DCAF5: variants seen among roughly 807,000 people sequenced by gnomAD.
DCAF5 encodes the protein DDB1 and CUL4 associated factor 5.
In DCAF5, 9 loss-of-function variants were observed where a neutral mutation model predicts 80.7. That is an observed-to-expected ratio of 0.11 (90% CI 0.07 to 0.19). The LOEUF is 0.19. Among genes scored for constraint, DCAF5 ranks in the 10% least tolerant of loss-of-function variants. The pLI is 1.00. For synonymous variants in DCAF5, 433 were observed against 461.9 expected, an observed-to-expected ratio of 0.94 and a Z score of 0.80; for missense variants, 842 against 1,205.7, an observed-to-expected ratio of 0.70 and a Z score of 4.47.
rs139816348 is a variant in DCAF5, at chr14:69,142,437, C to T, written c.214+10328G>A. Among the ~76,000 whole-genome samples, 426 of 152,266 alleles carry T rather than the reference C, an allele frequency of 2.8e-3. 2 individuals carry two copies. The highest frequency in any genetic ancestry group is 9.9e-3 in the African/African-American group (411 of 41,556). ...CCAATGGAGCAACCTTTCTTTTTAC[C>T]CATTCAGTGAATGGCCATGAAAGTG... On this transcript the variant is annotated intron_variant, in intron 1 of 8. Transcript: ENST00000341516.
At chr14:69,062,621 T>C in intron 7 of DCAF5, 110 bp from the exon 8 acceptor site, 2 of 1,219,056 alleles carry the variant, frequency 1.6e-6, no homozygotes, top group African/African-American at 1.5e-5. Flanking sequence ...TTTTGGATTA[T>C]ACCACCAGCA....
rs529154167 is a variant in DCAF5, at chr14:69,099,985, G to A, written c.666-8098C>T. On this transcript the variant is annotated intron_variant, in intron 5 of 8. Transcript: ENST00000341516. ...GAAGTTCAAAAGGAAAATTATTTAA[G>A]CTTTAAAAGGAAGCCAATTACAAGT... Among the ~76,000 whole-genome samples, 215 of 152,112 alleles carry A rather than the reference G, an allele frequency of 1.4e-3. 5 individuals carry two copies. In the South Asian group the frequency reaches 0.028, roughly 20 times the overall value.
intron 1 of DCAF5, among the ~76,000 whole-genome samples, chr14:69,132,717 CAGCAT>C (rs943395867): frequency 2.0e-5 from 3 of 150,448 alleles, no homozygotes; most frequent in Admixed American, 1.3e-4. Context: ...TAATGTGGGG[CAGCAT>C]AGCACAGCAC....
intron 1 of DCAF5, among the ~76,000 whole-genome samples, chr14:69,144,409 A>G (rs2041471888): frequency 6.6e-6 from 1 of 151,990 alleles, no homozygotes. Context: ...CGTCTCTACT[A>G]AAAATACAAA....
In DCAF5 at chr14:69,119,239, G is replaced by GA; in HGVS notation, c.359-10dup. The GA allele has an allele frequency of 1.9e-6, 3 of 1,612,788 alleles. No individual in the cohort carries two copies. Among genetic ancestry groups the GA allele is most frequent in the Non-Finnish European group, 2.5e-6 (3 of 1,179,582 alleles). ...AACTTGCTCATCATTGCCTGCAAAA[G>GA]AAAAAAGCAGACATCTGATCATTCG... On this transcript the variant is annotated splice_polypyrimidine_tract_variant and intron_variant, in intron 2 of 8. Coordinates refer to ENST00000341516, the MANE Select transcript of DCAF5 (RefSeq NM_003861.3).
intron 1 of DCAF5, among the ~76,000 whole-genome samples, chr14:69,150,695 G>A (rs1471145026): frequency 3.3e-5 from 5 of 151,124 alleles, no homozygotes; most frequent in African/African-American, 9.8e-5. Context: ...AGACTAGCCT[G>A]GGCAACATAG....
At chr14:69,151,949 A>C (rs2041719106) in intron 1 of DCAF5, among the ~76,000 whole-genome samples, 1 of 152,196 alleles carries the variant, frequency 6.6e-6, no homozygotes, top group South Asian at 2.1e-4. Flanking sequence ...GAGGAGAAGC[A>C]GAGACCACTT....
rs139078174 is a variant in DCAF5, at chr14:69,051,205, G to A, written c.*2652C>T. On this transcript the variant is annotated 3_prime_UTR_variant, in exon 9 of 9. Transcript: ENST00000341516. ...CTTAAAACTTTATGTACAGAATGCAGGAAAAAAACATAAGAGGCACTTCCA... is the reference window on the plus strand; with the variant it reads ...CTTAAAACTTTATGTACAGAATGCAAGAAAAAAACATAAGAGGCACTTCCA... 6 of 152,626 alleles carry A rather than the reference G, an allele frequency of 3.9e-5. No homozygotes were observed. Among genetic ancestry groups the A allele is most frequent in the Non-Finnish European group, 8.8e-5 (6 of 68,000 alleles). 9.5% of individuals were successfully genotyped at this position (152,626 alleles called of 1,614,324 possible).
chr14:69,143,720 T>C (rs1011526232), intron 1 of DCAF5: 2 of 152,492 alleles, frequency 1.3e-5, no homozygotes, highest in Non-Finnish European at 2.9e-5. Flanking sequence ...CAGTGGCGAC[T>C]AATAAGTACT....
chr14:69,094,304 A>C (rs1353855314), intron 5 of DCAF5, among the ~76,000 whole-genome samples: 1 of 152,186 alleles, frequency 6.6e-6, no homozygotes, highest in Non-Finnish European at 1.5e-5. Flanking sequence ...TGCCCAGGAC[A>C]GGCATGTGGG....
chr14:69,108,504 G>T (rs1262506685), intron 5 of DCAF5, among the ~76,000 whole-genome samples: 3 of 152,102 alleles, frequency 2.0e-5, no homozygotes, highest in Non-Finnish European at 4.4e-5. Flanking sequence ...TTTAAGCAAT[G>T]AAAAGAGTGG....
intron 7 of DCAF5, among the ~76,000 whole-genome samples, chr14:69,063,078 A>C (rs957651358): frequency 6.6e-6 from 1 of 152,228 alleles, no homozygotes; most frequent in Non-Finnish European, 1.5e-5. Context: ...AGCAGGGAGA[A>C]CTAAGGATAT....
At chr14:69,082,110 T>A (rs2039129924) in intron 6 of DCAF5, among the ~76,000 whole-genome samples, 1 of 152,250 alleles carries the variant, frequency 6.6e-6, no homozygotes, top group South Asian at 2.1e-4. Flanking sequence ...CTTTGTGATA[T>A]GCTCTCTAGA....
rs1055287380 is a variant in DCAF5, at chr14:69,053,550, G to A, written c.*307C>T. ...CATTGTGCGTACACAAGAACAAGTCGAACGTCTCAACAAAGATTTACTTCC... is the reference window on the plus strand; with the variant it reads ...CATTGTGCGTACACAAGAACAAGTCAAACGTCTCAACAAAGATTTACTTCC... On this transcript the variant is annotated 3_prime_UTR_variant, in exon 9 of 9. Transcript: ENST00000341516. The A allele has an allele frequency of 2.0e-5, 6 of 297,478 alleles. No homozygotes were observed. The highest frequency in any genetic ancestry group is 1.5e-4 in the East Asian group (2 of 13,738). The allele number at this position is 297,478 out of a possible 1,614,324, so 18.4% of individuals were successfully genotyped here.
chr14:69,084,070 C>T lies in DCAF5; in HGVS notation c.879+7604G>A, dbSNP rs193001836. The T allele has an allele frequency of 1.3e-3, 1,048 of 786,048 alleles. 2 individuals carry two copies. Among genetic ancestry groups the T allele is most frequent in the Non-Finnish European group, 2.1e-3 (877 of 425,254 alleles). 48.7% of individuals were successfully genotyped at this position (786,048 alleles called of 1,614,324 possible). The stretch of plus-strand genomic sequence containing the variant: ...ACAAAAACCGTCAGTGGTAAAACCC[C>T]AGCTTTTCTCATCCTGCAGCTGAAC... On this transcript the variant is annotated intron_variant, in intron 6 of 8. Transcript: ENST00000341516.
chr14:69,083,947 C>G (rs2039216791), intron 6 of DCAF5: 1 of 780,966 alleles, frequency 1.3e-6, no homozygotes, highest in Non-Finnish European at 2.4e-6. Context: ...AATGAAAACA[C>G]TCTGAAGGCA....
chr14:69,079,677 T>C (rs1307550842), intron 6 of DCAF5, among the ~76,000 whole-genome samples: 2 of 152,212 alleles, frequency 1.3e-5, no homozygotes, highest in African/African-American at 2.4e-5. Context: ...ATTTATTGAA[T>C]GTCTAATATG....
Position 69,055,639 on chromosome 14 carries a change from A to C in DCAF5, c.1075-28T>G. On this transcript the variant is annotated intron_variant, in intron 8 of 8. Coordinates refer to ENST00000341516, the MANE Select transcript of DCAF5 (RefSeq NM_003861.3). This position sits in a 1 kb window ranked among gnomAD's most constrained non-coding sequence, Gnocchi z 5.6. ...GAACAGAAAATGAAAAACAAAAGCA[A>C]CAAGGAGTAACTGGAAAGTATTCTT... 3 of 1,568,032 alleles carry C rather than the reference A, an allele frequency of 1.9e-6. No individual in the cohort carries two copies. The highest frequency in any genetic ancestry group is 2.6e-6 in the Non-Finnish European group (3 of 1,150,770).
At chr14:69,113,951 A>G (rs1482319656) in intron 5 of DCAF5, among the ~76,000 whole-genome samples, 1 of 152,232 alleles carries the variant, frequency 6.6e-6, no homozygotes, top group East Asian at 1.9e-4. Flanking sequence ...AATTAGCCCT[A>G]CTGGGCAACT....
Sources: gnomAD v4.1 joint callset for allele counts (sites outside exome capture counted in the v4.1 genomes callset) on GRCh38, gnomAD v4.1.1 for gene constraint, Gnocchi (gnomAD v3.1) non-coding constraint, MANE v1.5 for transcripts, NCBI Gene and HGNC (gene_info 2026-07-23, HGNC 2026-07-21) for gene names.